MUC4: variants seen among roughly 807,000 people sequenced by gnomAD.
The protein encoded by MUC4 is mucin 4, cell surface associated.
Under a neutral mutation model 257.9 loss-of-function variants are expected in MUC4, and 202 were observed. The ratio of observed to expected loss-of-function variants is 0.78; its 90% CI spans 0.70 to 0.88. The LOEUF is 0.88. Ranked by LOEUF, MUC4 falls within the 40% of genes least tolerant of loss-of-function variation. MUC4 has a pLI of 0.00. For synonymous variants in MUC4, 2,351 were observed against 2,757.1 expected (o/e 0.85, Z 4.62); for missense variants, 5,976 against 6,513.7 (o/e 0.92, Z 2.84).
intron 5 of MUC4, 81 bp from the exon 6 acceptor site, chr3:195,770,452 C>T: frequency 3.2e-6 from 5 of 1,541,978 alleles, no homozygotes; most frequent in South Asian, 2.3e-5. Context: ...GCCTGAGGAC[C>T]CTGCCCACTT....
In MUC4 at chr3:195,764,034, C is replaced by G. The variant is rs1719852533; in HGVS notation, c.14044+11G>C. ...CAGAGGCTCTTCCTGGGCCTGGGCCCTGTCGCTCACCGGGCTGTGGGGGCC... is the reference window on the plus strand; with the variant it reads ...CAGAGGCTCTTCCTGGGCCTGGGCCGTGTCGCTCACCGGGCTGTGGGGGCC... On this transcript the variant is annotated intron_variant, in intron 11 of 24. Coordinates refer to ENST00000463781, the MANE Select transcript of MUC4 (RefSeq NM_018406.7). 6.2e-7 allele frequency: 1 copy of G among 1,607,842 alleles called. No homozygotes were observed.
chr3:195,779,959 G>T lies in MUC4; in HGVS notation c.11621C>A (p.Pro3874His), dbSNP rs866305357. The change falls in exon 2 of 25, where the codon CCT becomes CAT. Residue 3874 changes from proline (P) to histidine (H), a missense_variant. By Grantham distance (77) the Pro-to-His change is moderately conservative (BLOSUM62 -2). Coordinates refer to ENST00000463781, the MANE Select transcript of MUC4 (RefSeq NM_018406.7). ...SASTGHATPL[P>H]VTGLSSASTG... ...GGAAGCTGAGGAAAGGCCGGTAACA[G>T]GAAGAGGGGTGGCGTGACCTGTGGA... 5.5e-6 allele frequency: 8 copies of T among 1,443,356 alleles called. 1 individual carries two copies. The South Asian group carries it at 7.6e-5, about 14-fold the overall frequency. The allele number at this position is 1,443,356 out of a possible 1,614,324, so 89.4% of individuals were successfully genotyped here. A position where few individuals can be genotyped will look rare whatever the true frequency, so the allele number is the denominator to read the frequency against.
Position 195,783,121 on chromosome 3 carries a change from G to A in MUC4, c.8459C>T (p.Thr2820Ile). Residue 2820 changes from threonine (T) to isoleucine (I), a missense_variant, in exon 2 of 25, where the codon ACC becomes ATC. Around this residue, in one of 44 missense-constraint regions of MUC4, gnomAD observed 228 missense variants for 206.3 expected, o/e 1.11. Transcript: ENST00000463781. ...STGHATSLPVTDASSVFTGHA... is the reference protein window; with the variant it reads ...STGHATSLPVIDASSVFTGHA... ...ACCTGTGAACACTGAGGAAGCGTCG[G>A]TGACAGGAAGAGAGGTGGCGTGACC... The A allele has an allele frequency of 1.6e-6, 2 of 1,289,460 alleles. No homozygotes were observed. The highest frequency in any genetic ancestry group is 1.0e-6 in the Non-Finnish European group (1 of 968,358). 79.9% of individuals were successfully genotyped at this position (1,289,460 alleles called of 1,614,324 possible). A position where few individuals can be genotyped will look rare whatever the true frequency, so the allele number is the denominator to read the frequency against.
At position 195,754,235 on chromosome 3, in the gene MUC4, A is replaced by C. The variant is rs1363210531; in HGVS notation, c.15306T>G (p.Thr5102=). Residue 5102 remains threonine (T), a synonymous_variant, in exon 19 of 25, where the codon ACT becomes ACG. Transcript: ENST00000463781. ...CACCCGCACAGTGCCGCCCATCCCC[A>C]GTCAGGTTTGGAGGGCAGGCCTCGC... ...KGCEACPPNL[T]GDGRHCAALG... The C allele has an allele frequency of 1.9e-6, 3 of 1,613,514 alleles. No individual in the cohort carries two copies. The highest frequency in any genetic ancestry group is 1.3e-5 in the African/African-American group (1 of 74,912).
intron 3 of MUC4, among the ~76,000 whole-genome samples, chr3:195,775,928 T>A (rs1724535191): frequency 1.2e-4 from 10 of 86,908 alleles, no homozygotes; most frequent in South Asian, 3.7e-4. Context: ...ACCCATACCT[T>A]CCACAGTCAT....
In MUC4 at chr3:195,784,641, T is replaced by G; in HGVS notation, c.6939A>C (p.Ala2313=). The G allele has an allele frequency of 1.5e-6, 2 of 1,328,582 alleles. No homozygotes were observed. Among genetic ancestry groups the G allele is most frequent in the East Asian group, 2.8e-5 (1 of 35,670 alleles). 82.3% of individuals were successfully genotyped at this position (1,328,582 alleles called of 1,614,324 possible). A position where few individuals can be genotyped will look rare whatever the true frequency, so the allele number is the denominator to read the frequency against. The change falls in exon 2 of 25, where the codon GCA becomes GCC. Residue 2313 remains alanine, a synonymous_variant. Coordinates refer to ENST00000463781, the MANE Select transcript of MUC4 (RefSeq NM_018406.7). ...TPLHVTDASS[A]STGHATPLPV... ...GAAGAGGGGTGGCGTGACCTGTGGA[T>G]GCTGAGGAAGCGTCGGTGACATGAA... is the stretch of plus-strand genomic sequence containing the variant.
At position 195,788,868 on chromosome 3, in the gene MUC4, A is replaced by T. The variant is rs754809697; in HGVS notation, c.2712T>A (p.Ile904=). ...TCCTCTGAGTCTGGGCCATCCGGGAAATGGCGGCTGTCTCCTGAGGAGAGG... is the reference window on the plus strand; with the variant it reads ...TCCTCTGAGTCTGGGCCATCCGGGATATGGCGGCTGTCTCCTGAGGAGAGG... ...PSASPQETAA[I]SRMAQTQRTR... is the part of the protein sequence containing the mutation. Residue 904 remains isoleucine, a synonymous_variant, in exon 2 of 25, where the codon ATT becomes ATA. Coordinates refer to ENST00000463781, the MANE Select transcript of MUC4 (RefSeq NM_018406.7). 1 of 1,613,788 alleles carries T rather than the reference A, an allele frequency of 6.2e-7. No homozygotes were observed. Among genetic ancestry groups the T allele is most frequent in the Non-Finnish European group, 8.5e-7 (1 of 1,179,828 alleles).
chr3:195,797,864 G>C (rs575371160), intron 1 of MUC4, among the ~76,000 whole-genome samples: 85 of 152,236 alleles, frequency 5.6e-4, no homozygotes, highest in Non-Finnish European at 3.5e-4. Context: ...CCAGTGCTTT[G>C]AGAGGCTGAG....
rs1399904103 is a variant in MUC4 at position 195,781,397 on chromosome 3, C to A, written c.10183G>T (p.Val3395Phe). 6.5e-7 allele frequency: 1 copy of A among 1,528,970 alleles called. No individual in the cohort carries two copies. The highest frequency in any genetic ancestry group is 1.2e-5 in the South Asian group (1 of 83,520). The allele number at this position is 1,528,970 out of a possible 1,614,324, so 94.7% of individuals were successfully genotyped here. Residue 3395 changes from valine to phenylalanine, a missense_variant, in exon 2 of 25, where the codon GTC becomes TTC. Physicochemically the swap from Val to Phe is conservative, Grantham distance 50. This residue lies in a region of MUC4 where 297 missense variants were observed against 240.9 expected (regional missense o/e 1.23). Transcript: ENST00000463781. ...GTGGATACTGAGGAAGTGTTGGTGACAGGAAGAGGGGTGGCCTGACCTGTG... is the reference window on the plus strand; with the variant it reads ...GTGGATACTGAGGAAGTGTTGGTGAAAGGAAGAGGGGTGGCCTGACCTGTG... ...ASTGQATPLPVTNTSSVSTGD... is the reference protein window; with the variant it reads ...ASTGQATPLPFTNTSSVSTGD...
chr3:195,783,448 G>T lies in MUC4; in HGVS notation c.8132C>A (p.Ser2711Tyr), dbSNP rs761136115. Reference sequence around the variant, plus strand: ...GGTGGTGTCACCTGTGTATGCTGAGGAAGTGTCGGTGACAGGAAGAGAGGT... The same window carrying T: ...GGTGGTGTCACCTGTGTATGCTGAGTAAGTGTCGGTGACAGGAAGAGAGGT... ...DTTSLPVTDT[S>Y]SAYTGDTTSL... Residue 2711 changes from serine (S) to tyrosine (Y), a missense_variant, in exon 2 of 25, where the codon TCC becomes TAC. Physicochemically the swap from Ser to Tyr is moderately radical, Grantham distance 144 (BLOSUM62 -2). Around this residue, in one of 44 missense-constraint regions of MUC4, gnomAD observed 75 missense variants for 58.7 expected, o/e 1.28. Coordinates refer to ENST00000463781, the MANE Select transcript of MUC4 (RefSeq NM_018406.7). 12 of 932,794 alleles carry T rather than the reference G, an allele frequency of 1.3e-5. 1 individual carries two copies. In the African/African-American group the frequency reaches 1.4e-4, roughly 11 times the overall value. The allele number at this position is 932,794 out of a possible 1,614,324, so 57.8% of individuals were successfully genotyped here.
At position 195,754,389 on chromosome 3, in the gene MUC4, G is replaced by T. The variant is rs760176910; in HGVS notation, c.15169-17C>A. On this transcript the variant is annotated splice_polypyrimidine_tract_variant and intron_variant, in intron 18 of 24. Coordinates refer to ENST00000463781, the MANE Select transcript of MUC4 (RefSeq NM_018406.7). ...GCCAGCCACCTGGAGGAGGGTTGCC[G>T]ATCACGGGCGGCCAGGAGACCAAAC... 3.1e-6 allele frequency: 5 copies of T among 1,594,248 alleles called. No individual in the cohort carries two copies. In the East Asian group the frequency reaches 9.1e-5, roughly 29 times the overall value.
Position 195,787,849 on chromosome 3 carries a change from C to G in MUC4, c.3731G>C (p.Gly1244Ala). The G allele has an allele frequency of 2.0e-6, 1 of 512,390 alleles. No homozygotes were observed. The highest frequency in any genetic ancestry group is 3.1e-6 in the Non-Finnish European group (1 of 319,138). The allele number at this position is 512,390 out of a possible 1,614,324, so 31.7% of individuals were successfully genotyped here. A position where few individuals can be genotyped will look rare whatever the true frequency, so the allele number is the denominator to read the frequency against. Residue 1244 changes from glycine to alanine, a missense_variant, in exon 2 of 25, where the codon GGT becomes GCT. This residue lies in a region of MUC4 where 90 missense variants were observed against 106.2 expected (regional missense o/e 0.85). Transcript: ENST00000463781. ...PVTIPSAAST[G>A]HTTPLPVTDT... ...GGTGACAGGAAGAGGGGTGGTGTGA[C>G]CTGTGGATGCTGCGGAAGGGATGGT...
At chr3:195,761,614 C>G in intron 14 of MUC4, 29 bp from the exon 15 acceptor site, 11 of 1,554,566 alleles carry the variant, frequency 7.1e-6, no homozygotes, top group Non-Finnish European at 8.9e-6. Context: ...GGTTGGCCAC[C>G]CTGGGCACGC....
intron 2 of MUC4, 89 bp downstream of exon 2, chr3:195,778,701 G>C (rs1048461526): frequency 9.9e-6 from 14 of 1,415,570 alleles, no homozygotes; most frequent in East Asian, 7.4e-5. Flanking sequence ...CAGGTAATGC[G>C]AATGCACCAG....
intron 5 of MUC4, chr3:195,771,018 T>C (rs879151981): frequency 0.027 from 3,355 of 124,566 alleles, 21 homozygotes; most frequent in African/African-American, 0.091. Context: ...GTCTCGTGGT[T>C]GGGTTGGGGT....
chr3:195,794,619 C>G (rs1439657937), intron 1 of MUC4, among the ~76,000 whole-genome samples: 1 of 152,162 alleles, frequency 6.6e-6, no homozygotes, highest in Admixed American at 6.5e-5. Context: ...GCTTCAGACT[C>G]TCAAAGTACT....
chr3:195,771,915 G>A, intron 4 of MUC4, 99 bp from the exon 5 acceptor site: 3 of 1,317,154 alleles, frequency 2.3e-6, no homozygotes, highest in Non-Finnish European at 2.1e-6. Flanking sequence ...CCCAAGGGTA[G>A]AGCTTTAGAG....
rs776484760 is a variant in MUC4, at chr3:195,753,198, A to T, written c.15361T>A (p.Ser5121Thr). The T allele has an allele frequency of 1.2e-6, 2 of 1,613,952 alleles. No homozygotes were observed. The highest frequency in any genetic ancestry group is 1.7e-6 in the Non-Finnish European group (2 of 1,179,904). Residue 5121 changes from serine to threonine, a missense_variant, in exon 20 of 25, where the codon TCC (serine) becomes ACC (threonine). Physicochemically the swap from Ser to Thr is moderately conservative, Grantham distance 58. Coordinates refer to ENST00000463781, the MANE Select transcript of MUC4 (RefSeq NM_018406.7). Reference protein sequence around the residue: ...LGSSFLCQNQSCPVNYCYNQG... With the variant: ...LGSSFLCQNQTCPVNYCYNQG... Reference sequence around the variant, plus strand: ...TTGTAGCAGTAATTCACAGGGCAGGACTGGTTCTGACACAGGAAAGAGCTC... The same window carrying T: ...TTGTAGCAGTAATTCACAGGGCAGGTCTGGTTCTGACACAGGAAAGAGCTC...
intron 12 of MUC4, 120 bp from the exon 13 acceptor site, chr3:195,763,065 A>T: frequency 7.1e-6 from 6 of 847,728 alleles, no homozygotes; most frequent in Non-Finnish European, 1.1e-5. Flanking sequence ...AAGGCGCTGG[A>T]GGCCGCGGCC....
Sources: gnomAD v4.1 joint callset for allele counts (sites outside exome capture counted in the v4.1 genomes callset) on GRCh38, gnomAD v4.1.1 for gene constraint, gnomAD v4.1.1 regional missense constraint, MANE v1.5 for transcripts, NCBI Gene and HGNC (gene_info 2026-07-23, HGNC 2026-07-21) for gene names.